The following POLR2C variants were observed in gnomAD, a reference collection of about 807,000 sequenced individuals.
The protein encoded by POLR2C is RNA polymerase II subunit C, also known as DNA-directed RNA polymerase II subunit RPB3.
A neutral mutation model predicts 41.7 loss-of-function variants in POLR2C; 36 were observed. The observed-to-expected ratio is 0.86, with a 90% confidence interval of 0.66 to 1.14. The LOEUF (loss-of-function observed/expected upper bound fraction) is 1.14. POLR2C is among the 50% of genes most tolerant of loss of function. The pLI, the probability that POLR2C is intolerant of heterozygous loss-of-function variation, is 0.00. For missense variants in POLR2C, 260 were observed against 350.4 expected (o/e 0.74, Z 2.06); for synonymous variants, 133 against 137.8 (o/e 0.96, Z 0.25).
chr16:57,469,408 C>A lies in POLR2C; in HGVS notation c.387+115C>A. 8.9e-7 allele frequency: 1 copy of A among 1,129,058 alleles called. No individual in the cohort carries two copies. Among genetic ancestry groups the A allele is most frequent in the Non-Finnish European group, 1.3e-6 (1 of 751,244 alleles). The allele number at this position is 1,129,058 out of a possible 1,614,324, so 69.9% of individuals were successfully genotyped here. A position where few individuals can be genotyped will look rare whatever the true frequency, so the allele number is the denominator to read the frequency against. ...AAATGTTGGCTTTCCCTGTTACCCT[C>A]TGCCTTAATCTGATCCCTAGAAGTG... is the stretch of plus-strand genomic sequence containing the variant. On this transcript the variant is annotated intron_variant, in intron 5 of 8. Transcript: ENST00000219252. This position sits in a 1 kb window ranked among gnomAD's most constrained non-coding sequence, Gnocchi z 5.8.
chr16:57,469,210 A>G lies in POLR2C; in HGVS notation c.304A>G (p.Thr102Ala), dbSNP rs1417513490. ...CTGCCCCGAGTGCTCGGTGGAGTTC[A>G]CCCTCGATGTGCGGTGCAATGAAGA... ...EFCPECSVEF[T>A]LDVRCNEDQT... The change falls in exon 5 of 9, where the codon ACC becomes GCC. Residue 102 changes from threonine to alanine, a missense_variant. Coordinates refer to ENST00000219252, the MANE Select transcript of POLR2C (RefSeq NM_032940.3). The surrounding 1 kb of genome is among the most constrained non-coding windows in gnomAD (Gnocchi z 5.8). The G allele has an allele frequency of 2.5e-6, 4 of 1,614,030 alleles. No homozygotes were observed. The South Asian group carries it at 4.4e-5, about 18-fold the overall frequency.
At chr16:57,467,189 C>T (rs753599954) in intron 4 of POLR2C, among the ~76,000 whole-genome samples, 1 of 152,132 alleles carries the variant, frequency 6.6e-6, no homozygotes, top group Non-Finnish European at 1.5e-5. Flanking sequence ...GCCGAGATTG[C>T]GCCACTGCAC....
At chr16:57,462,979 G>C (rs752748380) in intron 1 of POLR2C, 50 bp from the exon 2 acceptor site, 1 of 1,555,466 alleles carries the variant, frequency 6.4e-7, no homozygotes, top group African/African-American at 1.4e-5. Context: ...CGCGGGCCCA[G>C]CCTGTCGAGG....
In POLR2C at chr16:57,469,237, C is replaced by T. The variant is rs770805097; in HGVS notation, c.331C>T (p.Gln111Ter). ...CCTCGATGTGCGGTGCAATGAAGAC[C>T]AGACGCGACATGTCACGTCTCGAGA... ...FTLDVRCNED[Q>*]TRHVTSRDLI... The change falls in exon 5 of 9, where the codon CAG becomes TAG. Residue 111 changes from glutamine to a stop codon, truncating the protein, a stop_gained. Transcript: ENST00000219252. LOFTEE classifies it high-confidence loss of function. The surrounding 1 kb of genome is among the most constrained non-coding windows in gnomAD (Gnocchi z 5.8). The T allele has an allele frequency of 1.2e-6, 2 of 1,614,022 alleles. No homozygotes were observed. Among genetic ancestry groups the T allele is most frequent in the Non-Finnish European group, 1.7e-6 (2 of 1,179,980 alleles).
chr16:57,465,779 G>A, intron 2 of POLR2C, 174 bp from the exon 3 acceptor site: 1 of 594,398 alleles, frequency 1.7e-6, no homozygotes, highest in Admixed American at 3.0e-5. Context: ...GTGAGGTGTG[G>A]TGTGTGTGGG....
chr16:57,469,305 A>G lies in POLR2C; in HGVS notation c.387+12A>G. On this transcript the variant is annotated intron_variant, in intron 5 of 8. Coordinates refer to ENST00000219252, the MANE Select transcript of POLR2C (RefSeq NM_032940.3). The surrounding 1 kb of genome is among the most constrained non-coding windows in gnomAD (Gnocchi z 5.8). The stretch of plus-strand genomic sequence containing the variant: ...CCCGGGTCATTCCGGTCAGTGCGGG[A>G]GAGCATCCTCTTTTCCCTGGGATCT... 1 of 1,611,900 alleles carries G rather than the reference A, an allele frequency of 6.2e-7. No individual in the cohort carries two copies. Among genetic ancestry groups the G allele is most frequent in the South Asian group, 1.1e-5 (1 of 91,060 alleles).
rs1324401492 is a variant in POLR2C at position 57,463,012 on chromosome 16, G to C, written c.87-17G>C. ...AGGCTGCAGCGCCTTCACGCCCCTT[G>C]GCTTTTGATCTTTCAGGGTGGCCAA... On this transcript the variant is annotated splice_polypyrimidine_tract_variant and intron_variant, in intron 1 of 8. Coordinates refer to ENST00000219252, the MANE Select transcript of POLR2C (RefSeq NM_032940.3). 6.2e-7 allele frequency: 1 copy of C among 1,611,930 alleles called. No homozygotes were observed. The highest frequency in any genetic ancestry group is 1.7e-5 in the Admixed American group (1 of 59,996).
intron 4 of POLR2C, among the ~76,000 whole-genome samples, chr16:57,467,797 A>G (rs1461131757): frequency 2.6e-5 from 4 of 152,192 alleles, no homozygotes; most frequent in Non-Finnish European, 4.4e-5. Flanking sequence ...ATCAATATTC[A>G]GATTTTCCTA....
In POLR2C at chr16:57,462,702, G is replaced by C. The variant is rs1373882405; in HGVS notation, c.-23G>C. On this transcript the variant is annotated 5_prime_UTR_variant, in exon 1 of 9. Transcript: ENST00000219252. ...GCGCAGTCACCGCGGAGCAGACGCG[G>C]AGGCTGGTGGCCCCTGGGCGAGATG... The C allele has an allele frequency of 1.7e-5, 26 of 1,568,916 alleles. No homozygotes were observed. Among genetic ancestry groups the C allele is most frequent in the Non-Finnish European group, 2.2e-5 (25 of 1,153,202 alleles).
At position 57,462,977 on chromosome 16, in the gene POLR2C, C is replaced by T. The variant is rs369019625; in HGVS notation, c.87-52C>T. On this transcript the variant is annotated intron_variant, in intron 1 of 8. Coordinates refer to ENST00000219252, the MANE Select transcript of POLR2C (RefSeq NM_032940.3). ...GCTTTGGGAGCCTGCGGCGCGGGCC[C>T]AGCCTGTCGAGGCTGCAGCGCCTTC... The T allele has an allele frequency of 1.1e-5, 17 of 1,551,044 alleles. No homozygotes were observed. The African/African-American group carries it at 1.7e-4, about 15-fold the overall frequency.
In POLR2C at chr16:57,470,984, C is replaced by A. The variant is rs1429763695; in HGVS notation, c.693C>A (p.Tyr231Ter). Residue 231 changes from tyrosine to a stop codon, truncating the protein, a stop_gained, in exon 9 of 9, where the codon TAC becomes TAA. Transcript: ENST00000219252. LOFTEE classifies it high-confidence loss of function. ...DPNGKPERFY[Y>*]NVESCGSLRP... ...GACTCTTGCCTCCTAGGTTTTACTA[C>A]AATGTGGAGTCCTGTGGCTCTCTGC... 6.2e-7 allele frequency: 1 copy of A among 1,614,118 alleles called. No individual in the cohort carries two copies. The highest frequency in any genetic ancestry group is 1.7e-5 in the Admixed American group (1 of 60,026).
Position 57,465,689 on chromosome 16 carries a change from T to C in POLR2C, c.137-264T>C, listed in dbSNP as rs138639413. ...AATACTCAGCTCAAATAAACATGTT[T>C]CCACTTCTATGATATTCTATAAGTC... On this transcript the variant is annotated intron_variant, in intron 2 of 8. Coordinates refer to ENST00000219252, the MANE Select transcript of POLR2C (RefSeq NM_032940.3). The C allele has an allele frequency of 2.9e-3, 1,181 of 414,312 alleles. 4 individuals carry two copies. Among genetic ancestry groups the C allele is most frequent in the Non-Finnish European group, 4.0e-3 (927 of 231,908 alleles). 25.7% of individuals were successfully genotyped at this position (414,312 alleles called of 1,614,324 possible). A position where few individuals can be genotyped will look rare whatever the true frequency, so the allele number is the denominator to read the frequency against.
rs767644605 is a variant in POLR2C, at chr16:57,470,143, A to T, written c.608+14A>T. On this transcript the variant is annotated intron_variant, in intron 7 of 8. Transcript: ENST00000219252. Reference sequence around the variant, plus strand: ...GCCCGAGGAATGGTATGTTCCCCTTAGGAGTGATGGCAGGCATTTGGGGTG... The same window carrying T: ...GCCCGAGGAATGGTATGTTCCCCTTTGGAGTGATGGCAGGCATTTGGGGTG... 5.6e-6 allele frequency: 9 copies of T among 1,607,848 alleles called. No homozygotes were observed. The highest frequency in any genetic ancestry group is 7.6e-6 in the Non-Finnish European group (9 of 1,177,136).
chr16:57,462,940 ACCAGGGC>A, intron 1 of POLR2C, 82 bp from the exon 2 acceptor site: 1 of 1,233,814 alleles, frequency 8.1e-7, no homozygotes, highest in Non-Finnish European at 1.1e-6. Flanking sequence ...GCCCCCCTGC[ACCAGGGC>A]TTTAGCTTTG....
chr16:57,470,524 C>T (rs114304671), intron 8 of POLR2C, 170 bp downstream of exon 8: 6 of 585,622 alleles, frequency 1.0e-5, no homozygotes, highest in African/African-American at 7.5e-5. Context: ...AGGGGCAGGT[C>T]GTCAGCCCCT....
Position 57,466,172 on chromosome 16 carries a change from C to A in POLR2C, c.206-3C>A. 1 of 1,600,320 alleles carries A rather than the reference C, an allele frequency of 6.2e-7. No homozygotes were observed. Among genetic ancestry groups the A allele is most frequent in the Non-Finnish European group, 8.5e-7 (1 of 1,171,178 alleles). On this transcript the variant is annotated splice_region_variant and splice_polypyrimidine_tract_variant and intron_variant, in intron 3 of 8. Transcript: ENST00000219252. ...CTTTAAAGTGCTTTTCTGTTTTTTACAGGATTAATTCCCCTCATTAGTGAT... is the reference window on the plus strand; with the variant it reads ...CTTTAAAGTGCTTTTCTGTTTTTTAAAGGATTAATTCCCCTCATTAGTGAT...
At chr16:57,463,368 C>T (rs373386396) in intron 2 of POLR2C, 3 of 554,320 alleles carry the variant, frequency 5.4e-6, no homozygotes, top group African/African-American at 3.8e-5. Context: ...ACTATTGTTA[C>T]AAAAGTTTTT....
At chr16:57,465,815 C>T (rs2030692460) in intron 2 of POLR2C, 138 bp from the exon 3 acceptor site, 2 of 666,396 alleles carry the variant, frequency 3.0e-6, no homozygotes, top group Non-Finnish European at 5.5e-6. Flanking sequence ...AGTACCTGGG[C>T]CCCACTCTAA....
chr16:57,466,613 C>G (rs1371935638), intron 4 of POLR2C, among the ~76,000 whole-genome samples: 1 of 152,148 alleles, frequency 6.6e-6, no homozygotes, highest in African/African-American at 2.4e-5. Context: ...GGGGACTAGT[C>G]CTGGTGTCTG....
Sources: allele counts gnomAD v4.1 joint callset (sites outside exome capture counted in the v4.1 genomes callset), GRCh38; gene constraint gnomAD v4.1.1; non-coding constraint Gnocchi (gnomAD v3.1); transcripts MANE v1.5; gene names NCBI Gene and HGNC (gene_info 2026-07-23, HGNC 2026-07-21).